The following MCTP2 variants were observed in gnomAD, a reference collection of about 807,000 sequenced individuals.
MCTP2 encodes the protein multiple C2 and transmembrane domain containing 2.
Under a neutral mutation model 111.6 loss-of-function variants are expected in MCTP2, and 132 were observed. The observed-to-expected ratio is 1.18, with a 90% confidence interval of 1.03 to 1.37. The LOEUF is 1.37. Ranked by LOEUF, MCTP2 falls within the 40% of genes most tolerant of loss-of-function variation. MCTP2 has a pLI of 0.00. For missense variants in MCTP2, 1,183 were observed against 1,067.9 expected, an observed-to-expected ratio of 1.11 and a Z score of -1.50; for synonymous variants, 395 against 387.7, an observed-to-expected ratio of 1.02 and a Z score of -0.22.
chr15:94,308,445 C>T (rs1248262915), intron 2 of MCTP2, among the ~76,000 whole-genome samples: 5 of 152,154 alleles, frequency 3.3e-5, no homozygotes, highest in East Asian at 1.9e-4. Context: ...TCTCCAGGGC[C>T]GAACTCTCCA....
intron 1 of MCTP2, among the ~76,000 whole-genome samples, chr15:94,242,503 T>A (rs113847069): frequency 0.01 from 1,586 of 152,112 alleles, 24 homozygotes; most frequent in African/African-American, 0.035. Flanking sequence ...CTGCTGAGGT[T>A]TTTTTCTACA....
intron 17 of MCTP2, among the ~76,000 whole-genome samples, chr15:94,431,200 A>ATTT: frequency 6.6e-6 from 1 of 152,238 alleles, no homozygotes; most frequent in Non-Finnish European, 1.5e-5. Flanking sequence ...TAGTGACAAG[A>ATTT]AGATGAATTT....
intron 17 of MCTP2, among the ~76,000 whole-genome samples, chr15:94,432,157 C>T (rs1253081315): frequency 6.6e-6 from 1 of 152,018 alleles, no homozygotes; most frequent in East Asian, 1.9e-4. Flanking sequence ...AGTTTTAACC[C>T]AGGAGTTTAG....
intron 1 of MCTP2, among the ~76,000 whole-genome samples, chr15:94,267,564 C>T (rs185473875): frequency 2.0e-5 from 3 of 150,780 alleles, no homozygotes; most frequent in African/African-American, 7.3e-5. Context: ...TTTAATTTCT[C>T]TTAAACTCCT....
chr15:94,360,017 C>T (rs1057234095), intron 10 of MCTP2, among the ~76,000 whole-genome samples: 20 of 152,248 alleles, frequency 1.3e-4, no homozygotes, highest in African/African-American at 4.6e-4. Flanking sequence ...CAGTAACTTT[C>T]CTTGATTATT....
intron 19 of MCTP2, among the ~76,000 whole-genome samples, chr15:94,452,125 G>A (rs1186391275): frequency 2.0e-5 from 3 of 152,116 alleles, no homozygotes; most frequent in African/African-American, 4.8e-5. Context: ...ATGGTCTGCT[G>A]TATATAACAT....
chr15:94,235,844 C>T (rs1363708023), intron 1 of MCTP2, among the ~76,000 whole-genome samples: 1 of 152,174 alleles, frequency 6.6e-6, no homozygotes, highest in Non-Finnish European at 1.5e-5. Flanking sequence ...TCATCGATGC[C>T]ACTGTTATGT....
chr15:94,398,149 G>C (rs930947619), intron 14 of MCTP2, among the ~76,000 whole-genome samples: 1 of 152,204 alleles, frequency 6.6e-6, no homozygotes, highest in Non-Finnish European at 1.5e-5. Flanking sequence ...GAGGACAGCA[G>C]AGAAACTTGT....
At chr15:94,261,570 A>T (rs771223808) in intron 1 of MCTP2, among the ~76,000 whole-genome samples, 11 of 152,172 alleles carry the variant, frequency 7.2e-5, no homozygotes, top group Non-Finnish European at 1.3e-4. Flanking sequence ...GAGTACCAGG[A>T]ATGTAGTACC....
chr15:94,361,098 T>TTTG (rs942599483), intron 10 of MCTP2, among the ~76,000 whole-genome samples: 1 of 139,766 alleles, frequency 7.2e-6, no homozygotes, highest in African/African-American at 2.6e-5. Flanking sequence ...TTTTTTTTTT[T>TTTG]TTTTTTTTTT....
chr15:94,333,330 G>A (rs1034673304), intron 4 of MCTP2, among the ~76,000 whole-genome samples: 1 of 152,086 alleles, frequency 6.6e-6, no homozygotes, highest in South Asian at 2.1e-4. Flanking sequence ...TGTGATAAGT[G>A]TACATTTAAG....
At chr15:94,399,101 C>A in intron 15 of MCTP2, 39 bp downstream of exon 15, 2 of 1,058,724 alleles carry the variant, frequency 1.9e-6, no homozygotes, top group Non-Finnish European at 2.9e-6. Flanking sequence ...CTTTCCCGTA[C>A]CTAAAATAGA....
chr15:94,476,735 C>T lies in MCTP2; in HGVS notation c.2510C>T (p.Ser837Phe). Residue 837 changes from serine (S) to phenylalanine (F), a missense_variant, in exon 22 of 23, where the codon TCC becomes TTC. By Grantham distance (155) the Ser-to-Phe change is radical. Coordinates refer to ENST00000357742, the MANE Select transcript of MCTP2 (RefSeq NM_001385001.1). ...KFTKKLRNPY[S>F]IDNNELLDFL... is the part of the protein sequence containing the mutation. ...ACTAAGAAGCTTCGAAATCCCTATT[C>T]CATCGACAATAATGAGCTACTAGAC... The T allele has an allele frequency of 6.2e-7, 1 of 1,609,032 alleles. No individual in the cohort carries two copies.
intron 1 of MCTP2, among the ~76,000 whole-genome samples, chr15:94,287,691 C>A (rs561556030): frequency 6.6e-6 from 1 of 152,308 alleles, no homozygotes; most frequent in South Asian, 2.1e-4. Context: ...ACAGCTTCGA[C>A]AAACAGGAAA....
intron 1 of MCTP2, among the ~76,000 whole-genome samples, chr15:94,256,717 C>T (rs1375478996): frequency 6.6e-6 from 1 of 152,100 alleles, no homozygotes; most frequent in Non-Finnish European, 1.5e-5. Context: ...CTGAGTGGAC[C>T]CAACAGGCAG....
chr15:94,454,317 G>A (rs916034212), intron 19 of MCTP2, among the ~76,000 whole-genome samples: 6 of 152,160 alleles, frequency 3.9e-5, no homozygotes, highest in Non-Finnish European at 8.8e-5. Context: ...AGGCAGAAAT[G>A]TACTTGGTGT....
intron 10 of MCTP2, among the ~76,000 whole-genome samples, chr15:94,361,432 T>C (rs1451839496): frequency 6.6e-6 from 1 of 152,194 alleles, no homozygotes; most frequent in East Asian, 1.9e-4. Context: ...TGTCTGCTAA[T>C]TGTGGGACTT....
intron 1 of MCTP2, among the ~76,000 whole-genome samples, chr15:94,272,160 G>A (rs2073938150): frequency 6.6e-6 from 1 of 152,230 alleles, no homozygotes; most frequent in African/African-American, 2.4e-5. Context: ...ACTCAATTAT[G>A]TGAAGAAGTG....
At chr15:94,419,049 T>G (rs1242088232) in intron 17 of MCTP2, among the ~76,000 whole-genome samples, 1 of 152,164 alleles carries the variant, frequency 6.6e-6, no homozygotes, top group Admixed American at 6.6e-5. Context: ...ACTGTGAAAC[T>G]GACAGTTTGA....
Sources: gnomAD v4.1 joint callset for allele counts (sites outside exome capture counted in the v4.1 genomes callset) on GRCh38, gnomAD v4.1.1 for gene constraint, MANE v1.5 for transcripts, NCBI Gene and HGNC (gene_info 2026-07-23, HGNC 2026-07-21) for gene names.